TASP1: variants seen among roughly 807,000 people sequenced by gnomAD.
TASP1 encodes the protein taspase 1, also known as threonine aspartase 1.
In TASP1, 16 loss-of-function variants were observed where a neutral mutation model predicts 56.6. That is an observed-to-expected ratio of 0.28 (90% CI 0.19 to 0.43). The LOEUF (loss-of-function observed/expected upper bound fraction) is 0.43, where lower values mean the gene tolerates loss of function less well. Among genes scored for constraint, TASP1 ranks in the 20% least tolerant of loss-of-function variants. The probability of loss-of-function intolerance (pLI) is 1.00; values close to 1 mark genes in which losing one functional copy is unlikely to be tolerated. For missense variants in TASP1, 393 were observed against 511.6 expected, an observed-to-expected ratio of 0.77 and a Z score of 2.24; for synonymous variants, 179 against 184.2, an observed-to-expected ratio of 0.97 and a Z score of 0.23.
At chr20:13,596,501 A>G (rs541213207) in intron 4 of TASP1, among the ~76,000 whole-genome samples, 1 of 152,248 alleles carries the variant, frequency 6.6e-6, no homozygotes, top group Non-Finnish European at 1.5e-5. Context: ...AAGACACAAC[A>G]TACCAGAATC....
the TASP1 span, among the ~76,000 whole-genome samples, chr20:13,296,180 C>T: frequency 6.6e-6 from 1 of 152,270 alleles, no homozygotes; most frequent in East Asian, 1.9e-4. Context: ...TGTTGGTGAC[C>T]AGCCCACATT....
At chr20:13,399,041 C>T (rs890228862) in intron 13 of TASP1, among the ~76,000 whole-genome samples, 2 of 152,170 alleles carry the variant, frequency 1.3e-5, no homozygotes. Context: ...GTCCTCAAAT[C>T]TAATTTCACA....
At chr20:13,250,414 C>T in the TASP1 span, among the ~76,000 whole-genome samples, 1 of 152,120 alleles carries the variant, frequency 6.6e-6, no homozygotes, top group South Asian at 2.1e-4. Context: ...TCCTTGGGGG[C>T]ATATGGAGTT....
At chr20:13,423,222 C>T (rs992885160) in intron 12 of TASP1, among the ~76,000 whole-genome samples, 24 of 152,262 alleles carry the variant, frequency 1.6e-4, no homozygotes, top group Middle Eastern at 6.8e-3. Context: ...GAACCAACTA[C>T]ACTGTTTTTC....
chr20:13,623,107 CTTTTA>C (rs961039651), intron 4 of TASP1, among the ~76,000 whole-genome samples: 1 of 151,938 alleles, frequency 6.6e-6, no homozygotes, highest in Admixed American at 6.6e-5. Context: ...TGGAATTTTT[CTTTTA>C]TTTTTAAACA....
the TASP1 span, among the ~76,000 whole-genome samples, chr20:13,212,048 T>C: frequency 2.0e-5 from 3 of 152,210 alleles, no homozygotes; most frequent in African/African-American, 4.8e-5. Flanking sequence ...TTGGCAGAGA[T>C]AATTCTATGT....
At chr20:13,532,959 T>C (rs988127522) in intron 9 of TASP1, among the ~76,000 whole-genome samples, 4 of 152,188 alleles carry the variant, frequency 2.6e-5, no homozygotes, top group Non-Finnish European at 5.9e-5. Flanking sequence ...TGAGTAATCA[T>C]TCCCTATACA....
the TASP1 span, among the ~76,000 whole-genome samples, chr20:13,354,777 T>C: frequency 2.4e-4 from 36 of 152,022 alleles, no homozygotes; most frequent in African/African-American, 7.7e-4. Context: ...AACAGGGTGA[T>C]GGAGGGATCC....
At chr20:13,153,003 G>T in the TASP1 span, among the ~76,000 whole-genome samples, 6 of 152,208 alleles carry the variant, frequency 3.9e-5, no homozygotes. Flanking sequence ...TCACCACTCA[G>T]AATGGAGGTC....
At chr20:13,596,879 C>T (rs1303140791) in intron 4 of TASP1, among the ~76,000 whole-genome samples, 3 of 152,174 alleles carry the variant, frequency 2.0e-5, no homozygotes, top group African/African-American at 7.2e-5. Flanking sequence ...GAAATACAAA[C>T]TACCATCAGA....
Position 13,455,463 on chromosome 20 carries a change from T to G in TASP1, c.986-20309A>C, listed in dbSNP as rs181112506. ...AGTTTGAAAAGAGCCCCTCTCATAGTGACATCAATTCTACTAAAGTTGAAG... is the reference window on the plus strand; with the variant it reads ...AGTTTGAAAAGAGCCCCTCTCATAGGGACATCAATTCTACTAAAGTTGAAG... On this transcript the variant is annotated intron_variant, in intron 11 of 13. Coordinates refer to ENST00000337743, the MANE Select transcript of TASP1 (RefSeq NM_017714.3). 3.3e-3 allele frequency among the ~76,000 whole-genome samples: 495 copies of G among 152,220 alleles called. 2 individuals carry two copies. The highest frequency in any genetic ancestry group is 0.012 in the East Asian group (60 of 5,134).
At chr20:13,165,099 T>TACACACAC in the TASP1 span, 73 of 374,642 alleles carry the variant, frequency 1.9e-4, no homozygotes, top group South Asian at 7.4e-4. Flanking sequence ...CTACTAGAAA[T>TACACACAC]ACACACACAC....
At chr20:13,263,454 T>C in the TASP1 span, among the ~76,000 whole-genome samples, 9 of 152,282 alleles carry the variant, frequency 5.9e-5, no homozygotes, top group East Asian at 1.7e-3. Flanking sequence ...ACTTTATTCA[T>C]TCTCCTGGTT....
At chr20:13,139,329 T>A in the TASP1 span, among the ~76,000 whole-genome samples, 1 of 152,212 alleles carries the variant, frequency 6.6e-6, no homozygotes, top group Non-Finnish European at 1.5e-5. Flanking sequence ...TGGTATTAGT[T>A]AAGTTATGTT....
chr20:13,179,408 T>TGTGC, the TASP1 span, among the ~76,000 whole-genome samples: 616 of 144,964 alleles, frequency 4.2e-3, 1 homozygote, highest in African/African-American at 8.7e-3. Context: ...ATTATGTGCG[T>TGTGC]GTGTGTGTGT....
At chr20:13,262,518 G>A in the TASP1 span, among the ~76,000 whole-genome samples, 1 of 94,786 alleles carries the variant, frequency 1.1e-5, no homozygotes, top group East Asian at 6.2e-4. Context: ...CTTCTTACAT[G>A]TTTTCTTACA....
rs34077486 is a variant in TASP1 at position 13,515,548 on chromosome 20, TAAAAAAAAAAA to T, written c.874+12874_874+12884del. Among the ~76,000 whole-genome samples the T allele has an allele frequency of 4.1e-5, 5 of 122,992 alleles. No homozygotes were observed. The East Asian group carries it at 1.2e-3, about 29-fold the overall frequency. 80.7% of individuals were successfully genotyped at this position (122,992 alleles called of 152,430 possible). A position where few individuals can be genotyped will look rare whatever the true frequency, so the allele number is the denominator to read the frequency against. On this transcript the variant is annotated intron_variant, in intron 10 of 13. Transcript: ENST00000337743. ...AGATCCCCAAGGTGATTCATACACT[TAAAAAAAAAAA>T]AAAAAAAAAAAACTTGAGAATACAC...
intron 11 of TASP1, among the ~76,000 whole-genome samples, chr20:13,442,941 A>G (rs1470250633): frequency 6.6e-6 from 1 of 152,242 alleles, no homozygotes; most frequent in Admixed American, 6.5e-5. Context: ...TTATTAAGAT[A>G]TAATTTTTTA....
At chr20:13,546,992 A>C (rs1431741405) in intron 8 of TASP1, among the ~76,000 whole-genome samples, 4 of 152,202 alleles carry the variant, frequency 2.6e-5, no homozygotes, top group Non-Finnish European at 5.9e-5. Context: ...TTTTAAACCT[A>C]TTGGAAGACT....
Sources: gnomAD v4.1 joint callset for allele counts (sites outside exome capture counted in the v4.1 genomes callset) on GRCh38, gnomAD v4.1.1 for gene constraint, MANE v1.5 for transcripts, NCBI Gene and HGNC (gene_info 2026-07-23, HGNC 2026-07-21) for gene names.